The following CNTNAP2 variants were observed in gnomAD, a reference collection of about 807,000 sequenced individuals.
CNTNAP2 encodes the protein contactin associated protein 2.
Under a neutral mutation model 155.2 loss-of-function variants are expected in CNTNAP2, and 98 were observed. The ratio of observed to expected loss-of-function variants is 0.63; its 90% confidence interval spans 0.54 to 0.75. CNTNAP2 has a LOEUF of 0.75. CNTNAP2 is among the 30% of genes least tolerant of loss of function. CNTNAP2 has a pLI of 0.00. For missense variants in CNTNAP2, 1,727 were observed against 1,688.1 expected (o/e 1.02, Z -0.40); for synonymous variants, 651 against 631.2 (o/e 1.03, Z -0.47).
chr7:146,196,014 G>A (rs1798769991), intron 1 of CNTNAP2, among the ~76,000 whole-genome samples: 1 of 152,154 alleles, frequency 6.6e-6, no homozygotes, highest in Admixed American at 6.5e-5. Context: ...GACTGGAATT[G>A]ACTTGCCATG....
At chr7:146,973,210 T>G (rs1200085142) in intron 3 of CNTNAP2, among the ~76,000 whole-genome samples, 1 of 152,152 alleles carries the variant, frequency 6.6e-6, no homozygotes, top group Non-Finnish European at 1.5e-5. Context: ...GTAATTTTAG[T>G]AGAGACAGGG....
At chr7:147,666,984 C>T (rs1795706753) in intron 13 of CNTNAP2, among the ~76,000 whole-genome samples, 1 of 152,156 alleles carries the variant, frequency 6.6e-6, no homozygotes, top group African/African-American at 2.4e-5. Flanking sequence ...TTCTAATGAC[C>T]TGGAATGAAG....
In CNTNAP2 at chr7:148,383,743, C is replaced by T. The variant is rs753712741; in HGVS notation, c.3570C>T (p.Leu1190=). The change falls in exon 22 of 24, where the codon CTC becomes CTT. Residue 1190 remains leucine (L), a synonymous_variant. Coordinates refer to ENST00000361727, the MANE Select transcript of CNTNAP2 (RefSeq NM_014141.6). ...SRVQFNQIAP[L]KAALRQTNAS... ...TCCAGTTCAACCAGATCGCCCCTCT[C>T]AAGGCCGCCTTGAGGCAGACAAACG... The T allele has an allele frequency of 3.0e-5, 48 of 1,614,104 alleles. No homozygotes were observed. The highest frequency in any genetic ancestry group is 3.4e-5 in the Non-Finnish European group (40 of 1,180,048).
chr7:147,043,940 G>A lies in CNTNAP2; in HGVS notation c.436G>A (p.Val146Ile), dbSNP rs781338949. The A allele has an allele frequency of 5.2e-5, 84 of 1,614,018 alleles. No individual in the cohort carries two copies. The highest frequency in any genetic ancestry group is 4.3e-4 in the Admixed American group (26 of 60,010). ...CGGAAACATTAACTCTGACGGTGTG[G>A]TCCGGCACGAATTACAGCATCCGAT... ...FPGNINSDGVVRHELQHPIIA... is the reference protein window; with the variant it reads ...FPGNINSDGVIRHELQHPIIA... The change falls in exon 4 of 24, where the codon GTC becomes ATC. Residue 146 changes from valine to isoleucine, a missense_variant. By Grantham distance (29) the Val-to-Ile change is conservative. Coordinates refer to ENST00000361727, the MANE Select transcript of CNTNAP2 (RefSeq NM_014141.6).
chr7:147,722,686 A>G (rs1220804352), intron 13 of CNTNAP2, among the ~76,000 whole-genome samples: 1 of 152,124 alleles, frequency 6.6e-6, no homozygotes, highest in African/African-American at 2.4e-5. Flanking sequence ...TGACACAATT[A>G]TGAGCTTTCT....
rs1341922434 is a variant in CNTNAP2 at position 147,289,487 on chromosome 7, A to G, written c.1349-10654A>G. ...AAAGGAAAGGAGGGAAGGAAGGAAG[A>G]AAGAAAGGAAAGAAGGAAGGAAGGC... On this transcript the variant is annotated intron_variant, in intron 8 of 23. Transcript: ENST00000361727. 3.9e-5 allele frequency among the ~76,000 whole-genome samples: 6 copies of G among 152,044 alleles called. 1 individual carries two copies. Among genetic ancestry groups the G allele is most frequent in the African/African-American group, 1.4e-4 (6 of 41,446 alleles).
chr7:147,999,689 G>A (rs1219565526), intron 15 of CNTNAP2, among the ~76,000 whole-genome samples: 1 of 152,062 alleles, frequency 6.6e-6, no homozygotes, highest in Non-Finnish European at 1.5e-5. Flanking sequence ...ATTGGGGTGG[G>A]CCCTAACCCT....
rs146605551 is a variant in CNTNAP2 at position 148,033,976 on chromosome 7, G to A, written c.2383+55987G>A. 3.1e-3 allele frequency among the ~76,000 whole-genome samples: 470 copies of A among 152,194 alleles called. 4 individuals are homozygous for A. Among genetic ancestry groups the A allele is most frequent in the African/African-American group, 9.9e-3 (411 of 41,538 alleles). ...TCAAACATTAGAGAAAGCATTCACCGTGACAGAGGCAGGAAAAAGAAAATT... is the reference window on the plus strand; with the variant it reads ...TCAAACATTAGAGAAAGCATTCACCATGACAGAGGCAGGAAAAAGAAAATT... On this transcript the variant is annotated intron_variant, in intron 15 of 23. Coordinates refer to ENST00000361727, the MANE Select transcript of CNTNAP2 (RefSeq NM_014141.6).
At chr7:147,718,409 T>G (rs1462202107) in intron 13 of CNTNAP2, among the ~76,000 whole-genome samples, 1 of 152,156 alleles carries the variant, frequency 6.6e-6, no homozygotes, top group Non-Finnish European at 1.5e-5. Context: ...ATGATGTTGT[T>G]GGAAAATATG....
At chr7:148,311,940 G>A (rs146550871) in intron 21 of CNTNAP2, among the ~76,000 whole-genome samples, 3 of 152,254 alleles carry the variant, frequency 2.0e-5, no homozygotes, top group Middle Eastern at 3.4e-3. Flanking sequence ...TTGAAGTCTG[G>A]GCCAGGAACA....
intron 12 of CNTNAP2, among the ~76,000 whole-genome samples, chr7:147,588,235 GAGAA>G (rs761816099): frequency 6.6e-6 from 1 of 152,030 alleles, no homozygotes. Context: ...ACAAAAAACA[GAGAA>G]AGAGGTGCTG....
chr7:148,099,013 C>T (rs774202254), intron 15 of CNTNAP2, among the ~76,000 whole-genome samples: 26 of 152,090 alleles, frequency 1.7e-4, no homozygotes, highest in Non-Finnish European at 2.8e-4. Context: ...GCTCTATTTA[C>T]GAGAACAGCC....
chr7:146,503,717 G>A (rs1409690573), intron 1 of CNTNAP2, among the ~76,000 whole-genome samples: 1 of 152,180 alleles, frequency 6.6e-6, no homozygotes, highest in South Asian at 2.1e-4. Flanking sequence ...TGTGTTCTTG[G>A]TGCCTTTGTC....
At chr7:147,127,833 A>G (rs887937673) in intron 6 of CNTNAP2, among the ~76,000 whole-genome samples, 5 of 152,204 alleles carry the variant, frequency 3.3e-5, no homozygotes, top group Non-Finnish European at 5.9e-5. Flanking sequence ...TATATATTAC[A>G]AGTATTGTAT....
At chr7:148,029,711 G>T (rs6957073) in intron 15 of CNTNAP2, among the ~76,000 whole-genome samples, 6,339 of 152,222 alleles carry the variant, frequency 0.042, 296 homozygotes, top group East Asian at 0.27. Context: ...TAGTCTCAGA[G>T]AATGTATGAC....
At chr7:147,827,494 G>A (rs1019426858) in intron 13 of CNTNAP2, among the ~76,000 whole-genome samples, 1 of 152,332 alleles carries the variant, frequency 6.6e-6, no homozygotes, top group South Asian at 2.1e-4. Flanking sequence ...GCTCTAAATA[G>A]TGTGGGCCAC....
intron 8 of CNTNAP2, 22 bp from the exon 9 acceptor site, chr7:147,300,119 A>G: frequency 3.1e-6 from 5 of 1,612,206 alleles, no homozygotes; most frequent in East Asian, 2.2e-5. Flanking sequence ...GATAAAAATG[A>G]CTTTTATCTT....
At chr7:148,386,081 A>C (rs1486470677) in intron 22 of CNTNAP2, among the ~76,000 whole-genome samples, 2 of 152,216 alleles carry the variant, frequency 1.3e-5, no homozygotes, top group African/African-American at 4.8e-5. Flanking sequence ...TTTGATGTTC[A>C]AATCCAAATT....
intron 1 of CNTNAP2, among the ~76,000 whole-genome samples, chr7:146,242,399 C>T (rs765188374): frequency 1.8e-4 from 27 of 152,032 alleles, no homozygotes; most frequent in Non-Finnish European, 8.8e-5. Flanking sequence ...ATTAGCCAGA[C>T]GTGGTGGCTT....
Sources: gnomAD v4.1 joint callset for allele counts (sites outside exome capture counted in the v4.1 genomes callset) on GRCh38, gnomAD v4.1.1 for gene constraint, MANE v1.5 for transcripts, NCBI Gene and HGNC (gene_info 2026-07-23, HGNC 2026-07-21) for gene names.